The following SLC4A4 variants were observed in gnomAD, a reference collection of about 807,000 sequenced individuals.
The protein encoded by SLC4A4 is solute carrier family 4 member 4.
In SLC4A4, 27 loss-of-function variants were observed where a neutral mutation model predicts 111.5. The observed-to-expected ratio is 0.24, with a 90% CI of 0.18 to 0.33. The LOEUF (loss-of-function observed/expected upper bound fraction) is 0.33, where lower values mean the gene tolerates loss of function less well. Ranked by LOEUF, SLC4A4 falls within the 10% of genes least tolerant of loss-of-function variation. The pLI is 1.00. For synonymous variants in SLC4A4, 443 were observed against 463.4 expected (o/e 0.96, Z 0.57); for missense variants, 909 against 1,315.5 (o/e 0.69, Z 4.78).
Position 71,413,690 on chromosome 4 carries a change from C to T in SLC4A4, c.807+16037C>T, listed in dbSNP as rs1252286296. 1.3e-5 allele frequency among the ~76,000 whole-genome samples: 2 copies of T among 152,104 alleles called. 1 individual carries two copies. The highest frequency in any genetic ancestry group is 4.1e-4 in the South Asian group (2 of 4,824). On this transcript the variant is annotated intron_variant, in intron 7 of 25. Transcript: ENST00000264485. ...AAATGGAGGAGGACTTGGGAAAGGG[C>T]GCTTGTTGCTGTTCTAGAAGTATAA...
intron 9 of SLC4A4, among the ~76,000 whole-genome samples, chr4:71,449,416 A>G (rs1191386512): frequency 1.3e-5 from 2 of 152,320 alleles, no homozygotes; most frequent in East Asian, 3.9e-4. Flanking sequence ...TCCAGCCTCT[A>G]TCATGAGAAA....
intron 2 of SLC4A4, among the ~76,000 whole-genome samples, chr4:71,134,350 A>G (rs1743788777): frequency 1.3e-5 from 2 of 152,204 alleles, no homozygotes; most frequent in East Asian, 3.9e-4. Context: ...GGTCTTGCTT[A>G]TCATGCCATC....
At chr4:71,308,236 G>A (rs1325873916) in intron 3 of SLC4A4, among the ~76,000 whole-genome samples, 1 of 152,096 alleles carries the variant, frequency 6.6e-6, no homozygotes, top group African/African-American at 2.4e-5. Context: ...CCCTAACACA[G>A]TGCCTAGTAG....
At chr4:71,447,409 CTTCTCAGGTTTCTA>C (rs1725335812) in intron 8 of SLC4A4, among the ~76,000 whole-genome samples, 1 of 152,190 alleles carries the variant, frequency 6.6e-6, no homozygotes, top group African/African-American at 2.4e-5. Context: ...AGTGAAGAAG[CTTCTCAGGTTTCTA>C]TGCTATATTC....
chr4:71,098,175 T>G (rs187190184), intron 2 of SLC4A4, among the ~76,000 whole-genome samples: 30 of 152,352 alleles, frequency 2.0e-4, no homozygotes, highest in Admixed American at 3.3e-4. Context: ...ATTTAAGTTT[T>G]TAATTCATCC....
chr4:71,064,618 T>A (rs78669949), intron 1 of SLC4A4, among the ~76,000 whole-genome samples: 8,609 of 151,938 alleles, frequency 0.057, 313 homozygotes, highest in Non-Finnish European at 0.081. Context: ...ATCGCAGGAG[T>A]AAGAAATATG....
chr4:71,120,339 T>G (rs1236172787), intron 2 of SLC4A4, among the ~76,000 whole-genome samples: 2 of 152,182 alleles, frequency 1.3e-5, no homozygotes, highest in African/African-American at 2.4e-5. Flanking sequence ...GTGATAATGC[T>G]TCACTGTTTT....
At chr4:71,517,572 A>G (rs1411630617) in intron 16 of SLC4A4, among the ~76,000 whole-genome samples, 1 of 152,002 alleles carries the variant, frequency 6.6e-6, no homozygotes, top group African/African-American at 2.4e-5. Context: ...GGCTTCCTTA[A>G]AATAATTATT....
intron 8 of SLC4A4, among the ~76,000 whole-genome samples, chr4:71,447,053 ACTGT>A (rs1169860481): frequency 1.3e-5 from 2 of 152,242 alleles, no homozygotes; most frequent in African/African-American, 4.8e-5. Flanking sequence ...AATAATTTTG[ACTGT>A]CTGTGAATGA....
chr4:71,441,727 C>T (rs1454564831), intron 8 of SLC4A4, among the ~76,000 whole-genome samples: 1 of 152,090 alleles, frequency 6.6e-6, no homozygotes, highest in African/African-American at 2.4e-5. Context: ...GAGAAAATTT[C>T]CTTTAGGCTT....
intron 2 of SLC4A4, among the ~76,000 whole-genome samples, chr4:71,100,868 C>T (rs556410556): frequency 6.6e-6 from 1 of 152,124 alleles, no homozygotes; most frequent in Non-Finnish European, 1.5e-5. Flanking sequence ...AATAAAATAC[C>T]TAGGAATATA....
intron 3 of SLC4A4, among the ~76,000 whole-genome samples, chr4:71,320,677 A>C (rs1688086654): frequency 6.6e-6 from 1 of 152,038 alleles, no homozygotes; most frequent in African/African-American, 2.4e-5. Context: ...TGTCATAAAT[A>C]GTCAAAAGTG....
At chr4:71,375,261 C>A (rs892556089) in intron 6 of SLC4A4, among the ~76,000 whole-genome samples, 4 of 152,180 alleles carry the variant, frequency 2.6e-5, no homozygotes, top group African/African-American at 9.6e-5. Context: ...CTGAGAGGAT[C>A]TCAGGCAACC....
chr4:71,417,820 G>A (rs1322899553), intron 7 of SLC4A4, among the ~76,000 whole-genome samples: 1 of 152,158 alleles, frequency 6.6e-6, no homozygotes. Flanking sequence ...ACTTTAGGTA[G>A]TAAAATCTAT....
At chr4:71,280,400 G>T (rs1294065219) in intron 3 of SLC4A4, among the ~76,000 whole-genome samples, 1 of 152,110 alleles carries the variant, frequency 6.6e-6, no homozygotes, top group Non-Finnish European at 1.5e-5. Flanking sequence ...TTTTCAGTTT[G>T]TTGTAGTCCC....
At chr4:71,330,587 G>C (rs1046080309) in intron 3 of SLC4A4, among the ~76,000 whole-genome samples, 1 of 152,126 alleles carries the variant, frequency 6.6e-6, no homozygotes, top group Non-Finnish European at 1.5e-5. Context: ...ATTAATTCAA[G>C]ATGGATTAAA....
chr4:71,322,402 AG>A (rs1231302157), intron 3 of SLC4A4, among the ~76,000 whole-genome samples: 1 of 152,022 alleles, frequency 6.6e-6, no homozygotes, highest in Non-Finnish European at 1.5e-5. Context: ...TGTATGTGAA[AG>A]CATCCAATGG....
intron 5 of SLC4A4, among the ~76,000 whole-genome samples, chr4:71,355,238 G>T (rs914397122): frequency 2.0e-5 from 3 of 152,170 alleles, no homozygotes; most frequent in African/African-American, 7.2e-5. Flanking sequence ...AAACACTTTA[G>T]TCTACAACCC....
intron 3 of SLC4A4, among the ~76,000 whole-genome samples, chr4:71,305,603 A>G (rs903572546): frequency 1.3e-5 from 2 of 152,252 alleles, no homozygotes; most frequent in East Asian, 1.9e-4. Flanking sequence ...GGGATATGCA[A>G]AACCTTTCCC....
Sources: gnomAD v4.1 joint callset for allele counts (sites outside exome capture counted in the v4.1 genomes callset) on GRCh38, gnomAD v4.1.1 for gene constraint, MANE v1.5 for transcripts, NCBI Gene and HGNC (gene_info 2026-07-23, HGNC 2026-07-21) for gene names.